The following PINX1 variants were observed in gnomAD, a reference collection of about 807,000 sequenced individuals.
PINX1 encodes the protein PIN2/TERF1-interacting telomerase inhibitor 1.
PINX1 carries 34 observed loss-of-function variants against 25.4 expected under a neutral mutation model. The ratio of observed to expected loss-of-function variants is 1.34; its 90% confidence interval spans 1.02 to 1.78. The LOEUF is 1.78. PINX1 is among the 40% of genes most tolerant of loss of function. PINX1 has a pLI of 0.00. For synonymous variants in PINX1, 197 were observed against 147.7 expected (o/e 1.33, Z -2.42); for missense variants, 592 against 404.9 (o/e 1.46, Z -3.97).
chr8:10,799,720 G>A (rs549025318), intron 6 of PINX1, among the ~76,000 whole-genome samples: 23 of 152,292 alleles, frequency 1.5e-4, no homozygotes, highest in African/African-American at 4.3e-4. Flanking sequence ...TCTGAGTGAC[G>A]GGACATGACA....
At position 10,839,777 on chromosome 8, in the gene PINX1, G is replaced by T; in HGVS notation, c.-21C>A. 1 of 1,598,834 alleles carries T rather than the reference G, an allele frequency of 6.3e-7. No individual in the cohort carries two copies. Among genetic ancestry groups the T allele is most frequent in the African/African-American group, 1.3e-5 (1 of 74,708 alleles). On this transcript the variant is annotated 5_prime_UTR_variant, in exon 1 of 7. Transcript: ENST00000314787. ...GACATGTCGGAGAGCCTGTGATACC[G>T]CCGCCTCTGGACCTGGGTGACTGCG...
At chr8:10,814,017 G>A (rs950573013) in intron 6 of PINX1, among the ~76,000 whole-genome samples, 8 of 152,264 alleles carry the variant, frequency 5.3e-5, no homozygotes, top group Admixed American at 2.6e-4. Context: ...GAAGACACAC[G>A]CTTATGTACA....
chr8:10,768,775 C>G (rs1166636452), intron 6 of PINX1, among the ~76,000 whole-genome samples: 1 of 152,224 alleles, frequency 6.6e-6, no homozygotes, highest in African/African-American at 2.4e-5. Context: ...AAGTCGGAGA[C>G]TCAGTTTCAC....
At chr8:10,812,519 G>T (rs1797559956) in intron 6 of PINX1, among the ~76,000 whole-genome samples, 1 of 152,180 alleles carries the variant, frequency 6.6e-6, no homozygotes, top group Non-Finnish European at 1.5e-5. Context: ...AGCCCATGCA[G>T]GCTGCTTCCT....
chr8:10,817,780 G>A (rs574999260), intron 6 of PINX1, among the ~76,000 whole-genome samples: 2 of 152,094 alleles, frequency 1.3e-5, no homozygotes, highest in African/African-American at 4.8e-5. Flanking sequence ...CTGTACACAC[G>A]GCAGGACTTG....
chr8:10,796,698 C>G (rs1802095124), intron 6 of PINX1, among the ~76,000 whole-genome samples: 1 of 151,544 alleles, frequency 6.6e-6, no homozygotes, highest in Admixed American at 6.6e-5. Flanking sequence ...CCTTAGTAAC[C>G]TTGTGTAGCT....
intron 6 of PINX1, 100 bp downstream of exon 6, chr8:10,820,093 T>A: frequency 1.3e-6 from 1 of 783,518 alleles, no homozygotes; most frequent in Non-Finnish European, 2.2e-6. Context: ...TTTGGAAAGT[T>A]TGTCAGAAAA....
chr8:10,803,262 A>C (rs1802326685), intron 6 of PINX1, among the ~76,000 whole-genome samples: 1 of 152,156 alleles, frequency 6.6e-6, no homozygotes, highest in Non-Finnish European at 1.5e-5. Flanking sequence ...TGCAGTAAAA[A>C]CCACTAAAAA....
chr8:10,834,744 A>C lies in PINX1; in HGVS notation c.51T>G (p.Pro17=). The C allele has an allele frequency of 6.2e-7, 1 of 1,613,832 alleles. No individual in the cohort carries two copies. The highest frequency in any genetic ancestry group is 8.5e-7 in the Non-Finnish European group (1 of 1,179,802). Reference sequence around the variant, plus strand: ...CGTCATTACTCCAGGCAGTGTTCTGAGGATCCACAGCCCACTTCTGCTTCC... The same window carrying C: ...CGTCATTACTCCAGGCAGTGTTCTGCGGATCCACAGCCCACTTCTGCTTCC... ...RRRKQKWAVD[P]QNTAWSNDDS... is the part of the protein sequence containing the mutation. The change falls in exon 2 of 7, where the codon CCT becomes CCG. Residue 17 remains proline (P), a synonymous_variant. Coordinates refer to ENST00000314787, the MANE Select transcript of PINX1 (RefSeq NM_017884.6).
At position 10,820,196 on chromosome 8, in the gene PINX1, G is replaced by C. The variant is rs368778352; in HGVS notation, c.468C>G (p.Pro156=). 104 of 1,600,388 alleles carry C rather than the reference G, an allele frequency of 6.5e-5. No homozygotes were observed. In the African/African-American group the frequency reaches 8.0e-4, roughly 12 times the overall value. Residue 156 remains proline (P), a synonymous_variant, in exon 6 of 7, where the codon CCC becomes CCG. Transcript: ENST00000314787. ...GAAACTGTACGTGGCTTTATACCTC[G>C]GGAGTCTTCTTACTCTGTCTTTTCC... is the stretch of plus-strand genomic sequence containing the variant. The part of the protein sequence containing the change: ...IFGKRQSKKT[P]EGDASPSTPE...
chr8:10,794,591 T>C lies in PINX1; in HGVS notation c.471+25602A>G, dbSNP rs181478165. Among the ~76,000 whole-genome samples, 19 of 152,212 alleles carry C rather than the reference T, an allele frequency of 1.2e-4. No individual in the cohort carries two copies. In the East Asian group the frequency reaches 2.1e-3, roughly 17 times the overall value. On this transcript the variant is annotated intron_variant, in intron 6 of 6. Transcript: ENST00000314787. ...ACAGGCGCCTGCCACCACGTCTGGC[T>C]AATTTTTGTATTTTTAGTAGAGACG... is the stretch of plus-strand genomic sequence containing the variant.
intron 6 of PINX1, among the ~76,000 whole-genome samples, chr8:10,781,055 A>T (rs1366463822): frequency 1.3e-5 from 2 of 152,228 alleles, no homozygotes; most frequent in East Asian, 3.8e-4. Flanking sequence ...CTAAACATTT[A>T]TAGTCAACTA....
intron 6 of PINX1, among the ~76,000 whole-genome samples, chr8:10,805,216 C>G (rs1802401876): frequency 6.6e-6 from 1 of 152,184 alleles, no homozygotes; most frequent in Non-Finnish European, 1.5e-5. Flanking sequence ...GCAGGGCGTG[C>G]TTGGAGGAAC....
intron 6 of PINX1, among the ~76,000 whole-genome samples, chr8:10,767,172 C>T (rs1211267672): frequency 6.6e-6 from 1 of 152,154 alleles, no homozygotes; most frequent in Admixed American, 6.5e-5. Context: ...AATCAGGATT[C>T]TACTAATGAT....
At chr8:10,805,236 C>A (rs771066380) in intron 6 of PINX1, among the ~76,000 whole-genome samples, 6 of 152,212 alleles carry the variant, frequency 3.9e-5, no homozygotes, top group Non-Finnish European at 7.3e-5. Context: ...CCATCCAGCA[C>A]AGACAGCCTG....
chr8:10,807,545 C>A (rs7009841), intron 6 of PINX1, among the ~76,000 whole-genome samples: 8,500 of 152,036 alleles, frequency 0.056, 261 homozygotes, highest in South Asian at 0.075. Flanking sequence ...AACGCCCAAC[C>A]AACTCATTCC....
intron 5 of PINX1, among the ~76,000 whole-genome samples, chr8:10,825,135 C>T (rs1418786822): frequency 6.6e-6 from 1 of 152,254 alleles, no homozygotes; most frequent in East Asian, 1.9e-4. Context: ...CAACCAAACC[C>T]AGCCCTCACT....
intron 6 of PINX1, among the ~76,000 whole-genome samples, chr8:10,777,124 C>A (rs1259628684): frequency 2.6e-5 from 4 of 152,212 alleles, no homozygotes; most frequent in Non-Finnish European, 4.4e-5. Flanking sequence ...AAGCTCTAAC[C>A]AAACAAAACA....
At chr8:10,810,173 G>A (rs751734308) in intron 6 of PINX1, among the ~76,000 whole-genome samples, 17 of 152,188 alleles carry the variant, frequency 1.1e-4, no homozygotes, top group Non-Finnish European at 1.9e-4. Context: ...TCACACCTCC[G>A]ACACTGGGGA....
Sources: gnomAD v4.1 joint callset for allele counts (sites outside exome capture counted in the v4.1 genomes callset) on GRCh38, gnomAD v4.1.1 for gene constraint, MANE v1.5 for transcripts, NCBI Gene and HGNC (gene_info 2026-07-23, HGNC 2026-07-21) for gene names.